Variants in EXOC2 observed in about 807,000 individuals in gnomAD.
The protein encoded by EXOC2 is SEC5-like 1.
Under a neutral mutation model 131.8 loss-of-function variants are expected in EXOC2, and 70 were observed. The observed-to-expected ratio is 0.53, with a 90% CI of 0.44 to 0.65. EXOC2 has a LOEUF of 0.65. Among genes scored for constraint, EXOC2 ranks in the 30% least tolerant of loss-of-function variants. The probability of loss-of-function intolerance (pLI) is 0.00; values close to 1 mark genes in which losing one functional copy is unlikely to be tolerated. For missense variants in EXOC2, 923 were observed against 1,108.6 expected, an observed-to-expected ratio of 0.83 and a Z score of 2.38; for synonymous variants, 411 against 398.4, an observed-to-expected ratio of 1.03 and a Z score of -0.38.
At chr6:679,355 AC>A (rs1194902543) in intron 1 of EXOC2, 2 of 152,222 alleles carry the variant, frequency 1.3e-5, no homozygotes, top group Non-Finnish European at 2.9e-5. Flanking sequence ...GAACATAAAG[AC>A]AAAACCCAAC....
chr6:571,227 A>G (rs1330042430), intron 13 of EXOC2, among the ~76,000 whole-genome samples: 1 of 152,228 alleles, frequency 6.6e-6, no homozygotes, highest in Non-Finnish European at 1.5e-5. Context: ...TTGCTTTAAT[A>G]TTTGAATGTT....
chr6:521,866 G>A (rs534669653), intron 23 of EXOC2, among the ~76,000 whole-genome samples: 7 of 152,160 alleles, frequency 4.6e-5, no homozygotes, highest in Non-Finnish European at 7.4e-5. Flanking sequence ...GTTATTTTTG[G>A]TTATTTATCC....
intron 15 of EXOC2, 114 bp downstream of exon 15, chr6:564,431 A>C: frequency 7.0e-7 from 1 of 1,430,668 alleles, no homozygotes; most frequent in East Asian, 2.3e-5. Flanking sequence ...AGTGGAGGCA[A>C]AAGGACAAAA....
Position 506,008 on chromosome 6 carries a change from T to C in EXOC2, c.2381-6308A>G, listed in dbSNP as rs115180700. 7.9e-5 allele frequency among the ~76,000 whole-genome samples: 12 copies of C among 152,304 alleles called. No homozygotes were observed. The highest frequency in any genetic ancestry group is 2.6e-4 in the African/African-American group (11 of 41,562). On this transcript the variant is annotated intron_variant, in intron 23 of 27. Coordinates refer to ENST00000230449, the MANE Select transcript of EXOC2 (RefSeq NM_018303.6). This position sits in a 1 kb window ranked among gnomAD's most constrained non-coding sequence, Gnocchi z 4.4. ...GTCAGAATATATCTGCGTCATCTAC[T>C]AAAAGTAAGTGCCTCGGCATACATG... is the stretch of plus-strand genomic sequence containing the variant.
rs1159727574 is a variant in EXOC2, at chr6:599,135, T to C, written c.833A>G (p.Gln278Arg). ...DSTRNALNVL[Q>R]RFKFLFNLPL... Reference sequence around the variant, plus strand: ...AAGGTTGAAAAGAAACTTAAATCGCTGAAGCACATTGAGTGCATTTCTAGT... The same window carrying C: ...AAGGTTGAAAAGAAACTTAAATCGCCGAAGCACATTGAGTGCATTTCTAGT... The change falls in exon 8 of 28, where the codon CAG (glutamine) becomes CGG (arginine). Residue 278 changes from glutamine to arginine, a missense_variant. Gln to Arg is a conservative substitution (Grantham distance 43, BLOSUM62 1). Transcript: ENST00000230449. 5 of 1,613,174 alleles carry C rather than the reference T, an allele frequency of 3.1e-6. No homozygotes were observed. In the East Asian group the frequency reaches 6.7e-5, roughly 22 times the overall value.
Position 545,167 on chromosome 6 carries a change from A to C in EXOC2, c.2238+4008T>G, listed in dbSNP as rs906173743. 5.3e-5 allele frequency among the ~76,000 whole-genome samples: 8 copies of C among 151,946 alleles called. No homozygotes were observed. In the South Asian group the frequency reaches 6.2e-4, roughly 12 times the overall value. ...AGACTCCGTCTCAAAAAAAAAAAAAAAAAAAAAAAAACTTCAATTAAAAAT... is the reference window on the plus strand; with the variant it reads ...AGACTCCGTCTCAAAAAAAAAAAAACAAAAAAAAAAACTTCAATTAAAAAT... On this transcript the variant is annotated intron_variant, in intron 22 of 27. Coordinates refer to ENST00000230449, the MANE Select transcript of EXOC2 (RefSeq NM_018303.6).
At position 506,819 on chromosome 6, in the gene EXOC2, C is replaced by T. The variant is rs1337922558; in HGVS notation, c.2381-7119G>A. On this transcript the variant is annotated intron_variant, in intron 23 of 27. Transcript: ENST00000230449. The surrounding 1 kb of genome is among the most constrained non-coding windows in gnomAD (Gnocchi z 4.4). ...CAGCATATTCTCCAGCAACGAAGATCTTGTTTTCATGCATCAAAATAGTAG... is the reference window on the plus strand; with the variant it reads ...CAGCATATTCTCCAGCAACGAAGATTTTGTTTTCATGCATCAAAATAGTAG... Among the ~76,000 whole-genome samples the T allele has an allele frequency of 6.6e-6, 1 of 152,096 alleles. No individual in the cohort carries two copies. The highest frequency in any genetic ancestry group is 2.4e-5 in the African/African-American group (1 of 41,412).
intron 25 of EXOC2, among the ~76,000 whole-genome samples, chr6:492,689 G>C (rs1763508064): frequency 1.3e-5 from 2 of 152,176 alleles, no homozygotes; most frequent in East Asian, 1.9e-4. Context: ...GAAATTTTCA[G>C]AGTAGACAAA....
intron 23 of EXOC2, among the ~76,000 whole-genome samples, chr6:502,636 T>C (rs1255224707): frequency 6.6e-6 from 1 of 152,038 alleles, no homozygotes; most frequent in Non-Finnish European, 1.5e-5. Flanking sequence ...CACAGGACCC[T>C]TTGAACCAAA....
chr6:606,456 AAAAAT>A (rs143945582), intron 7 of EXOC2, among the ~76,000 whole-genome samples: 15,270 of 152,226 alleles, frequency 0.1, 1,062 homozygotes, highest in Non-Finnish European at 0.15. Context: ...AAAAAAAATA[AAAAAT>A]AAAACATCAG....
At chr6:658,803 A>G (rs1181560465) in intron 1 of EXOC2, among the ~76,000 whole-genome samples, 1 of 151,378 alleles carries the variant, frequency 6.6e-6, no homozygotes, top group Non-Finnish European at 1.5e-5. Context: ...CTGGGATTAC[A>G]GGCGCCTGCC....
intron 13 of EXOC2, among the ~76,000 whole-genome samples, chr6:568,885 C>T (rs1758120979): frequency 6.6e-6 from 1 of 152,134 alleles, no homozygotes; most frequent in South Asian, 2.1e-4. Flanking sequence ...AATAGGTGTT[C>T]ATGAGTGCAT....
intron 22 of EXOC2, among the ~76,000 whole-genome samples, chr6:533,329 C>A (rs1413394487): frequency 6.6e-6 from 1 of 152,160 alleles, no homozygotes; most frequent in African/African-American, 2.4e-5. Context: ...CATTTAAAAT[C>A]ATGTTCTGTT....
At chr6:542,088 A>C (rs1756589778) in intron 22 of EXOC2, among the ~76,000 whole-genome samples, 1 of 152,220 alleles carries the variant, frequency 6.6e-6, no homozygotes, top group African/African-American at 2.4e-5. Flanking sequence ...TATTGTTTAG[A>C]AACCACACAA....
chr6:582,761 A>ATATG (rs1758985982), intron 11 of EXOC2, among the ~76,000 whole-genome samples: 1 of 151,944 alleles, frequency 6.6e-6, no homozygotes, highest in African/African-American at 2.4e-5. Flanking sequence ...ATATGTATAT[A>ATATG]TATATAACAT....
intron 6 of EXOC2, among the ~76,000 whole-genome samples, chr6:612,109 C>T (rs970612728): frequency 2.0e-5 from 3 of 152,182 alleles, no homozygotes; most frequent in Non-Finnish European, 4.4e-5. Flanking sequence ...TATGCTCTAA[C>T]CAATCTATGT....
chr6:617,886 G>A lies in EXOC2; in HGVS notation c.537-51C>T, dbSNP rs1164420794. On this transcript the variant is annotated intron_variant, in intron 5 of 27. Transcript: ENST00000230449. ...TTTGACACTTCTAACATGCAAGAAAGAAAAAATAATTCCTTCAGTGGAGAA... is the reference window on the plus strand; with the variant it reads ...TTTGACACTTCTAACATGCAAGAAAAAAAAAATAATTCCTTCAGTGGAGAA... 3.2e-6 allele frequency: 5 copies of A among 1,582,346 alleles called. No homozygotes were observed. The Admixed American group carries it at 7.3e-5, about 23-fold the overall frequency.
At chr6:616,512 A>G (rs1304304730) in intron 6 of EXOC2, among the ~76,000 whole-genome samples, 3 of 146,770 alleles carry the variant, frequency 2.0e-5, no homozygotes, top group Non-Finnish European at 4.5e-5. Flanking sequence ...CTGAGGCAGG[A>G]GAATGGCGTG....
chr6:549,941 C>T (rs564592997), intron 21 of EXOC2, among the ~76,000 whole-genome samples: 6 of 152,242 alleles, frequency 3.9e-5, no homozygotes, highest in Non-Finnish European at 7.3e-5. Flanking sequence ...CCAGTTACTT[C>T]TACATTCTCC....
Sources: allele counts gnomAD v4.1 joint callset (sites outside exome capture counted in the v4.1 genomes callset), GRCh38; gene constraint gnomAD v4.1.1; non-coding constraint Gnocchi (gnomAD v3.1); transcripts MANE v1.5; gene names NCBI Gene and HGNC (gene_info 2026-07-23, HGNC 2026-07-21).